The following SHANK2 variants were observed in gnomAD, a reference collection of about 807,000 sequenced individuals.
SHANK2 encodes the protein SH3 and multiple ankyrin repeat domains protein 2.
In SHANK2, 43 loss-of-function variants were observed where a neutral mutation model predicts 133.7. The ratio of observed to expected loss-of-function variants is 0.32; its 90% confidence interval spans 0.25 to 0.41. The LOEUF is 0.41. SHANK2 is among the 10% of genes least tolerant of loss of function. The pLI, the probability that SHANK2 is intolerant of heterozygous loss-of-function variation, is 1.00. For missense variants in SHANK2, 1,994 were observed against 2,235.8 expected (o/e 0.89, Z 2.18); for synonymous variants, 1,017 against 952.8 (o/e 1.07, Z -1.24).
At chr11:70,848,988 G>A (rs1555064581) in intron 11 of SHANK2, among the ~76,000 whole-genome samples, 13 of 152,140 alleles carry the variant, frequency 8.5e-5, no homozygotes. Context: ...TTGATGCTGC[G>A]TGAATGAGTC....
rs149554299 is a variant in SHANK2, at chr11:70,708,478, C to T, written c.1778-9715G>A. Among the ~76,000 whole-genome samples, 1,120 of 152,298 alleles carry T rather than the reference C, an allele frequency of 7.4e-3. 9 individuals carry two copies. Among genetic ancestry groups the T allele is most frequent in the African/African-American group, 0.025 (1,046 of 41,560 alleles). On this transcript the variant is annotated intron_variant, in intron 14 of 25. Coordinates refer to ENST00000601538, the MANE Select transcript of SHANK2 (RefSeq NM_012309.5). Reference sequence around the variant, plus strand: ...AATCAGTCCCCGCACTCCCCCACCACGAGAGCCACATGCCGCAGACATTTC... The same window carrying T: ...AATCAGTCCCCGCACTCCCCCACCATGAGAGCCACATGCCGCAGACATTTC...
At chr11:70,590,450 C>CA (rs1267430538) in intron 17 of SHANK2, among the ~76,000 whole-genome samples, 3 of 152,220 alleles carry the variant, frequency 2.0e-5, no homozygotes, top group African/African-American at 7.2e-5. Context: ...TATCAAACAG[C>CA]ATTGCATGCT....
chr11:70,785,380 G>T (rs1048385484), intron 14 of SHANK2, among the ~76,000 whole-genome samples: 3 of 152,186 alleles, frequency 2.0e-5, no homozygotes, highest in Non-Finnish European at 2.9e-5. Context: ...CATTGCTCCA[G>T]ATGCCCCCCA....
chr11:70,890,703 G>A (rs1371793983), intron 11 of SHANK2, among the ~76,000 whole-genome samples: 1 of 151,636 alleles, frequency 6.6e-6, no homozygotes, highest in Admixed American at 6.6e-5. Flanking sequence ...GGAGGCTGAG[G>A]CAGGAGAATC....
intron 10 of SHANK2, among the ~76,000 whole-genome samples, chr11:70,903,766 C>A (rs990126104): frequency 2.1e-4 from 32 of 152,316 alleles, no homozygotes; most frequent in African/African-American, 7.0e-4. Flanking sequence ...GACTTCCTGT[C>A]CCCTCTCTTC....
At position 70,486,864 on chromosome 11, in the gene SHANK2, G is replaced by T. The variant is rs1396525140; in HGVS notation, c.3429C>A (p.Ser1143=). The T allele has an allele frequency of 6.2e-7, 1 of 1,612,606 alleles. No individual in the cohort carries two copies. Among genetic ancestry groups the T allele is most frequent in the Admixed American group, 1.7e-5 (1 of 60,012 alleles). Reference sequence around the variant, plus strand: ...CCCTGGGCGTGGCACTCGGCATGGGGGATGACAGCTGCTCAGCGCTGTCCT... The same window carrying T: ...CCCTGGGCGTGGCACTCGGCATGGGTGATGACAGCTGCTCAGCGCTGTCCT... ...ADEDSAEQLS[S]PMPSATPREP... is the part of the protein sequence containing the mutation. Residue 1143 remains serine, a synonymous_variant, in exon 25 of 26, where the codon TCC becomes TCA. Transcript: ENST00000601538. The surrounding 1 kb of genome is among the most constrained non-coding windows in gnomAD (Gnocchi z 8.0).
chr11:70,707,861 C>A (rs1427467258), intron 14 of SHANK2, among the ~76,000 whole-genome samples: 1 of 152,206 alleles, frequency 6.6e-6, no homozygotes, highest in Non-Finnish European at 1.5e-5. Flanking sequence ...TCCCTGACCA[C>A]CTCTGTACCA....
chr11:71,208,997 T>A (rs1555118459), intron 2 of SHANK2, among the ~76,000 whole-genome samples: 1 of 152,184 alleles, frequency 6.6e-6, no homozygotes, highest in African/African-American at 2.4e-5. Context: ...CAGCCACTGT[T>A]CCTCACCAGA....
intron 11 of SHANK2, among the ~76,000 whole-genome samples, chr11:70,854,650 G>A (rs1044944549): frequency 2.2e-4 from 34 of 152,240 alleles, no homozygotes; most frequent in Non-Finnish European, 8.8e-5. Context: ...ATGGAAGATG[G>A]ATGCAGGCCC....
At chr11:71,190,517 G>A (rs1026211322) in intron 2 of SHANK2, among the ~76,000 whole-genome samples, 4 of 152,048 alleles carry the variant, frequency 2.6e-5, no homozygotes, top group African/African-American at 9.7e-5. Flanking sequence ...ACCATTGTCT[G>A]GAAAATGAGG....
chr11:71,211,192 CTTTTTTT>C (rs34505384), intron 2 of SHANK2, among the ~76,000 whole-genome samples: 4 of 101,988 alleles, frequency 3.9e-5, no homozygotes, highest in African/African-American at 1.1e-4. Flanking sequence ...GGTCAATTTC[CTTTTTTT>C]TTTTTTTTTT....
In SHANK2 at chr11:70,470,450, G is replaced by GA. The variant is rs1555148206; in HGVS notation, c.*2418dup. 6.6e-6 allele frequency: 1 copy of GA among 152,456 alleles called. No homozygotes were observed. The highest frequency in any genetic ancestry group is 1.9e-4 in the East Asian group (1 of 5,196). 9.4% of individuals were successfully genotyped at this position (152,456 alleles called of 1,614,324 possible). A position where few individuals can be genotyped will look rare whatever the true frequency, so the allele number is the denominator to read the frequency against. Reference sequence around the variant, plus strand: ...GTTATCGTCTGCCAGCGGTTTCCTTGACTCTCCTTTGAGCTAGTGTTTTGC... The same window carrying GA: ...GTTATCGTCTGCCAGCGGTTTCCTTGAACTCTCCTTTGAGCTAGTGTTTTGC... On this transcript the variant is annotated 3_prime_UTR_variant, in exon 26 of 26. Coordinates refer to ENST00000601538, the MANE Select transcript of SHANK2 (RefSeq NM_012309.5).
intron 6 of SHANK2, among the ~76,000 whole-genome samples, chr11:71,104,676 C>T (rs1245448152): frequency 6.6e-6 from 1 of 152,146 alleles, no homozygotes; most frequent in Non-Finnish European, 1.5e-5. Context: ...TCTCTTTTCC[C>T]CCGTCACCCT....
At position 70,659,919 on chromosome 11, in the gene SHANK2, G is replaced by C. The variant is rs782738905; in HGVS notation, c.1970C>G (p.Pro657Arg). 2.5e-6 allele frequency: 4 copies of C among 1,614,072 alleles called. No homozygotes were observed. Among genetic ancestry groups the C allele is most frequent in the Non-Finnish European group, 3.4e-6 (4 of 1,180,032 alleles). The part of the protein sequence containing the change: ...DTPIEEFTPT[P>R]AFPALQYLES... Reference sequence around the variant, plus strand: ...CAGGTACTGTAGGGCTGGGAAAGCCGGTGTTGGTGTGAATTCTTCAATGGG... The same window carrying C: ...CAGGTACTGTAGGGCTGGGAAAGCCCGTGTTGGTGTGAATTCTTCAATGGG... Residue 657 changes from proline (P) to arginine (R), a missense_variant, in exon 17 of 26, where the codon CCG becomes CGG. Physicochemically the swap from Pro to Arg is moderately radical, Grantham distance 103 (BLOSUM62 -2). Coordinates refer to ENST00000601538, the MANE Select transcript of SHANK2 (RefSeq NM_012309.5).
At chr11:70,607,091 C>T (rs1470512867) in intron 17 of SHANK2, among the ~76,000 whole-genome samples, 5 of 152,186 alleles carry the variant, frequency 3.3e-5, no homozygotes, top group Admixed American at 6.5e-5. Context: ...GAGGCCTCAG[C>T]CCTCTTCTGT....
chr11:71,101,112 T>C (rs921986666), intron 6 of SHANK2, among the ~76,000 whole-genome samples: 31 of 152,140 alleles, frequency 2.0e-4, no homozygotes, highest in Admixed American at 6.5e-4. Context: ...CCTAAACCAG[T>C]GCATGCTGTC....
At chr11:70,948,381 G>A (rs1555085871) in intron 10 of SHANK2, 4 of 457,000 alleles carry the variant, frequency 8.8e-6, no homozygotes, top group African/African-American at 2.0e-5. Context: ...TGGCTCTTAC[G>A]AGAAACTCCA....
At chr11:71,139,751 C>T (rs1555105435) in intron 3 of SHANK2, among the ~76,000 whole-genome samples, 2 of 152,174 alleles carry the variant, frequency 1.3e-5, no homozygotes, top group African/African-American at 4.8e-5. Flanking sequence ...CCACCACTCC[C>T]TGCGTGGCCC....
At position 70,740,741 on chromosome 11, in the gene SHANK2, G is replaced by A. The variant is rs182002671; in HGVS notation, c.1778-41978C>T. Among the ~76,000 whole-genome samples the A allele has an allele frequency of 1.1e-4, 17 of 152,284 alleles. No homozygotes were observed. In the East Asian group the frequency reaches 2.7e-3, roughly 24 times the overall value. ...CCACAGCAGAGCAGCCAGAAGAAGC[G>A]TCAGCTGGCACAGCCTGGTAGCAGT... On this transcript the variant is annotated intron_variant, in intron 14 of 25. Transcript: ENST00000601538.
Sources: gnomAD v4.1 joint callset for allele counts (sites outside exome capture counted in the v4.1 genomes callset) on GRCh38, gnomAD v4.1.1 for gene constraint, Gnocchi (gnomAD v3.1) non-coding constraint, MANE v1.5 for transcripts, NCBI Gene and HGNC (gene_info 2026-07-23, HGNC 2026-07-21) for gene names.